The following PPP2CA variants were observed in gnomAD, a reference collection of about 807,000 sequenced individuals.
PPP2CA encodes the protein serine/threonine-protein phosphatase 2A catalytic subunit alpha isoform.
In PPP2CA, 5 loss-of-function variants were observed where a neutral mutation model predicts 38.8. The ratio of observed to expected loss-of-function variants is 0.13; its 90% CI spans 0.07 to 0.27. The LOEUF (loss-of-function observed/expected upper bound fraction) is 0.27. Among genes scored for constraint, PPP2CA ranks in the 10% least tolerant of loss-of-function variants. PPP2CA has a pLI of 1.00. For missense variants in PPP2CA, 88 were observed against 389.7 expected (o/e 0.23, Z 6.52); for synonymous variants, 152 against 134.0 (o/e 1.13, Z -0.93).
intron 3 of PPP2CA, among the ~76,000 whole-genome samples, chr5:134,201,423 C>G (rs1158842178): frequency 2.0e-5 from 3 of 152,202 alleles, no homozygotes; most frequent in African/African-American, 7.2e-5. Context: ...AACCAGACTC[C>G]ACTTCAAACA....
At chr5:134,220,712 C>A (rs562403786) in intron 1 of PPP2CA, among the ~76,000 whole-genome samples, 4 of 152,290 alleles carry the variant, frequency 2.6e-5, no homozygotes, top group South Asian at 4.1e-4. Context: ...TAACTTACCC[C>A]TTCCAAACTA....
At chr5:134,197,935 C>T (rs924959371) in intron 6 of PPP2CA, 91 bp from the exon 7 acceptor site, 3 of 1,060,424 alleles carry the variant, frequency 2.8e-6, no homozygotes, top group South Asian at 2.6e-5. Flanking sequence ...AAACTTTACA[C>T]TTCCTATTCA....
intron 5 of PPP2CA, chr5:134,199,576 G>GT (rs1761930908): frequency 6.1e-6 from 1 of 163,286 alleles, no homozygotes; most frequent in South Asian, 1.7e-4. Context: ...TTAAGAATAA[G>GT]TATTTAAGTG....
At chr5:134,218,397 G>C (rs1044054910) in intron 1 of PPP2CA, among the ~76,000 whole-genome samples, 1 of 152,132 alleles carries the variant, frequency 6.6e-6, no homozygotes, top group African/African-American at 2.4e-5. Flanking sequence ...TGACCAAAAG[G>C]AAAGATCCTT....
At chr5:134,204,327 T>C (rs1255316826) in intron 2 of PPP2CA, among the ~76,000 whole-genome samples, 1 of 152,274 alleles carries the variant, frequency 6.6e-6, no homozygotes, top group Non-Finnish European at 1.5e-5. Context: ...GGCGGAAGCC[T>C]GCCACCCTAA....
chr5:134,221,132 A>G (rs1185360973), intron 1 of PPP2CA, among the ~76,000 whole-genome samples: 1 of 151,904 alleles, frequency 6.6e-6, no homozygotes. Flanking sequence ...GGCCGGGGGG[A>G]ATGGGGTCTC....
intron 1 of PPP2CA, among the ~76,000 whole-genome samples, chr5:134,215,844 T>C (rs1762307575): frequency 6.6e-6 from 1 of 152,298 alleles, no homozygotes; most frequent in East Asian, 1.9e-4. Context: ...CCTGAACAAA[T>C]GCTATCTCAG....
intron 1 of PPP2CA, among the ~76,000 whole-genome samples, chr5:134,209,724 G>A (rs912381389): frequency 2.0e-5 from 3 of 151,636 alleles, no homozygotes; most frequent in African/African-American, 7.3e-5. Flanking sequence ...GTTGCAGTGA[G>A]CCAAGATCGC....
chr5:134,208,184 AG>A (rs1762123955), intron 1 of PPP2CA, among the ~76,000 whole-genome samples: 3 of 152,238 alleles, frequency 2.0e-5, no homozygotes, highest in Non-Finnish European at 2.9e-5. Flanking sequence ...TCACATTTAA[AG>A]CTATCAGAAG....
chr5:134,199,217 G>A lies in PPP2CA; in HGVS notation c.739-13C>T. ...ACCAGTTATATCCCTGCAAGGAAAA[G>A]GAGACAAAAATCTTACTTTACTCCC... On this transcript the variant is annotated splice_polypyrimidine_tract_variant and intron_variant, in intron 5 of 6. Transcript: ENST00000481195. 1.9e-6 allele frequency: 3 copies of A among 1,588,580 alleles called. No individual in the cohort carries two copies. Among genetic ancestry groups the A allele is most frequent in the Non-Finnish European group, 2.6e-6 (3 of 1,157,772 alleles).
At chr5:134,204,909 C>A (rs1561736362) in intron 2 of PPP2CA, among the ~76,000 whole-genome samples, 6 of 148,912 alleles carry the variant, frequency 4.0e-5, no homozygotes, top group Non-Finnish European at 1.5e-5. Flanking sequence ...CAGAAAAATT[C>A]TTTTTTTTCT....
At chr5:134,224,730 A>T (rs1209426219) in intron 1 of PPP2CA, among the ~76,000 whole-genome samples, 1 of 152,218 alleles carries the variant, frequency 6.6e-6, no homozygotes, top group African/African-American at 2.4e-5. Context: ...CCCAACCCCC[A>T]GGGGAAAACA....
At chr5:134,206,400 T>C (rs974104975) in intron 1 of PPP2CA, among the ~76,000 whole-genome samples, 1 of 152,240 alleles carries the variant, frequency 6.6e-6, no homozygotes, top group Admixed American at 6.5e-5. Flanking sequence ...AAATACTAAT[T>C]GTTAGCTGTC....
chr5:134,203,093 G>A (rs1416915192), intron 2 of PPP2CA, among the ~76,000 whole-genome samples: 2 of 145,930 alleles, frequency 1.4e-5, no homozygotes, highest in African/African-American at 5.0e-5. Context: ...AGCTGTAAAA[G>A]TTTTTTTTTT....
At chr5:134,206,509 CT>C (rs942101855) in intron 1 of PPP2CA, among the ~76,000 whole-genome samples, 4 of 150,826 alleles carry the variant, frequency 2.7e-5, no homozygotes, top group Non-Finnish European at 5.9e-5. Flanking sequence ...CTTTTTTTTT[CT>C]TTTTTTGAGA....
At chr5:134,209,551 G>A (rs556644399) in intron 1 of PPP2CA, among the ~76,000 whole-genome samples, 16 of 152,174 alleles carry the variant, frequency 1.1e-4, no homozygotes, top group South Asian at 2.1e-4. Flanking sequence ...AGGCTGAGGC[G>A]AGTGGATCAC....
At position 134,226,024 on chromosome 5, in the gene PPP2CA, C is replaced by T; in HGVS notation, c.-163G>A. On this transcript the variant is annotated 5_prime_UTR_variant, in exon 1 of 7. Coordinates refer to ENST00000481195, the MANE Select transcript of PPP2CA (RefSeq NM_002715.4). ...CTCACCGCAGTACTCGGCCGTCGGC[C>T]GCTGCGCCTCCTCCTCCGCTCGCTG... is the stretch of plus-strand genomic sequence containing the variant. 1.8e-6 allele frequency: 1 copy of T among 563,928 alleles called. No homozygotes were observed. The highest frequency in any genetic ancestry group is 3.0e-6 in the Non-Finnish European group (1 of 329,286). 34.9% of individuals were successfully genotyped at this position (563,928 alleles called of 1,614,324 possible).
At chr5:134,199,339 T>C (rs1002369849) in intron 5 of PPP2CA, 135 bp from the exon 6 acceptor site, 1 of 642,612 alleles carries the variant, frequency 1.6e-6, no homozygotes, top group Middle Eastern at 2.6e-4. Flanking sequence ...ATGCTTTTTT[T>C]CTGGATGACT....
At chr5:134,206,673 G>A (rs1403935178) in intron 1 of PPP2CA, among the ~76,000 whole-genome samples, 2 of 152,150 alleles carry the variant, frequency 1.3e-5, no homozygotes, top group African/African-American at 4.8e-5. Context: ...AAACTTTTTT[G>A]TAGAGACGGG....
Sources: gnomAD v4.1 joint callset for allele counts (sites outside exome capture counted in the v4.1 genomes callset) on GRCh38, gnomAD v4.1.1 for gene constraint, MANE v1.5 for transcripts, NCBI Gene and HGNC (gene_info 2026-07-23, HGNC 2026-07-21) for gene names.